The following SGCZ variants were observed in gnomAD, a reference collection of about 807,000 sequenced individuals.
SGCZ encodes the protein zeta-sarcoglycan.
Under a neutral mutation model 41.3 loss-of-function variants are expected in SGCZ, and 40 were observed. The ratio of observed to expected loss-of-function variants is 0.97; its 90% confidence interval spans 0.75 to 1.26. The LOEUF (loss-of-function observed/expected upper bound fraction) is 1.26. Ranked by LOEUF, SGCZ falls within the 50% of genes most tolerant of loss-of-function variation. SGCZ has a pLI of 0.00. For synonymous variants in SGCZ, 206 were observed against 137.5 expected, an observed-to-expected ratio of 1.50 and a Z score of -3.49; for missense variants, 552 against 369.8, an observed-to-expected ratio of 1.49 and a Z score of -4.04.
chr8:14,829,926 C>G (rs1802469245), intron 1 of SGCZ, among the ~76,000 whole-genome samples: 1 of 152,140 alleles, frequency 6.6e-6, no homozygotes, highest in Non-Finnish European at 1.5e-5. Context: ...ATTCTCCTGC[C>G]TCAGCCTCCT....
chr8:14,456,709 T>C (rs965090757), intron 2 of SGCZ, among the ~76,000 whole-genome samples: 1 of 152,110 alleles, frequency 6.6e-6, no homozygotes, highest in African/African-American at 2.4e-5. Context: ...ACATGGGATA[T>C]AGTTTGAATA....
chr8:15,032,012 G>A lies in SGCZ; in HGVS notation c.39+205573C>T, dbSNP rs985198547. Among the ~76,000 whole-genome samples the A allele has an allele frequency of 2.0e-5, 3 of 150,524 alleles. No homozygotes were observed. The South Asian group carries it at 6.3e-4, about 32-fold the overall frequency. Reference sequence around the variant, plus strand: ...TACACCAAATGTCGGACAGAAAAAAGTATGGTTTAGGAGTTTCACATACTC... The same window carrying A: ...TACACCAAATGTCGGACAGAAAAAAATATGGTTTAGGAGTTTCACATACTC... On this transcript the variant is annotated intron_variant, in intron 1 of 7. Coordinates refer to ENST00000382080, the MANE Select transcript of SGCZ (RefSeq NM_139167.4).
rs1563405109 is a variant in SGCZ at position 14,551,617 on chromosome 8, CATAAAATATATATATTATATAT to C, written c.234+3093_234+3114del. Among the ~76,000 whole-genome samples, 89 of 35,088 alleles carry C rather than the reference CATAAAATATATATATTATATAT, an allele frequency of 2.5e-3. 6 individuals carry two copies. The highest frequency in any genetic ancestry group is 5.9e-3 in the Non-Finnish European group (84 of 14,248). 23.0% of individuals were successfully genotyped at this position (35,088 alleles called of 152,430 possible). On this transcript the variant is annotated intron_variant, in intron 2 of 7. Coordinates refer to ENST00000382080, the MANE Select transcript of SGCZ (RefSeq NM_139167.4). ...ATATATTATATATATTATATATATA[CATAAAATATATATATTATATAT>C]ATATAAAATATATATATGAAAGTAT... is the stretch of plus-strand genomic sequence containing the variant.
At chr8:14,253,575 C>T (rs6530741) in intron 3 of SGCZ, among the ~76,000 whole-genome samples, 101,399 of 151,756 alleles carry the variant, frequency 0.67, 34,255 homozygotes, top group South Asian at 0.79. Flanking sequence ...TATCTGTATC[C>T]ATATATCTGT....
chr8:14,994,299 G>A (rs1334671047), intron 1 of SGCZ, among the ~76,000 whole-genome samples: 2 of 152,044 alleles, frequency 1.3e-5, no homozygotes, highest in Non-Finnish European at 2.9e-5. Flanking sequence ...AGATGCATGA[G>A]GGGGCTGGGC....
intron 1 of SGCZ, among the ~76,000 whole-genome samples, chr8:14,645,980 T>C (rs538417329): frequency 1.3e-5 from 2 of 151,254 alleles, no homozygotes; most frequent in Admixed American, 6.6e-5. Flanking sequence ...ACGAGAAAAA[T>C]TGGAAATTCA....
intron 3 of SGCZ, among the ~76,000 whole-genome samples, chr8:14,297,503 C>T (rs1585333090): frequency 6.6e-6 from 1 of 150,730 alleles, no homozygotes; most frequent in East Asian, 2.0e-4. Context: ...ATAAAAACTC[C>T]CGTAGAAAGT....
rs540248673 is a variant in SGCZ, at chr8:14,587,893, C to T, written c.40-32967G>A. 1.2e-4 allele frequency among the ~76,000 whole-genome samples: 18 copies of T among 152,138 alleles called. No homozygotes were observed. In the South Asian group the frequency reaches 3.3e-3, roughly 28 times the overall value. ...TTGTATTATAAACTGAGTTTTTGGGCAAGCTTGTAAGAGACTCAAAATTGC... is the reference window on the plus strand; with the variant it reads ...TTGTATTATAAACTGAGTTTTTGGGTAAGCTTGTAAGAGACTCAAAATTGC... On this transcript the variant is annotated intron_variant, in intron 1 of 7. Coordinates refer to ENST00000382080, the MANE Select transcript of SGCZ (RefSeq NM_139167.4).
intron 1 of SGCZ, among the ~76,000 whole-genome samples, chr8:15,151,006 G>A (rs561582225): frequency 6.6e-6 from 1 of 152,316 alleles, no homozygotes; most frequent in East Asian, 1.9e-4. Context: ...GGCACTAAGT[G>A]GTGGACCTAT....
At chr8:14,887,943 G>A (rs1483294561) in intron 1 of SGCZ, among the ~76,000 whole-genome samples, 1 of 152,122 alleles carries the variant, frequency 6.6e-6, no homozygotes, top group African/African-American at 2.4e-5. Flanking sequence ...ATAGGAAGAT[G>A]TTGCTCAAAG....
chr8:15,089,343 A>ATT (rs1458858047), intron 1 of SGCZ, among the ~76,000 whole-genome samples: 2 of 152,150 alleles, frequency 1.3e-5, no homozygotes, highest in African/African-American at 4.8e-5. Flanking sequence ...TAATTTCAAG[A>ATT]TTTCTCCTGT....
intron 1 of SGCZ, among the ~76,000 whole-genome samples, chr8:14,980,430 T>C (rs907453190): frequency 6.6e-6 from 1 of 152,218 alleles, no homozygotes; most frequent in South Asian, 2.1e-4. Context: ...TTGTCTTCAT[T>C]GATATAGAAA....
chr8:14,824,959 A>C (rs1802247444), intron 1 of SGCZ, among the ~76,000 whole-genome samples: 1 of 152,126 alleles, frequency 6.6e-6, no homozygotes, highest in African/African-American at 2.4e-5. Flanking sequence ...TCTGGTAGAC[A>C]TACTGTATTA....
intron 5 of SGCZ, among the ~76,000 whole-genome samples, chr8:14,151,033 G>A (rs116455835): frequency 6.6e-6 from 1 of 152,122 alleles, no homozygotes; most frequent in Non-Finnish European, 1.5e-5. Context: ...GAATGGTAGT[G>A]GGGATGCGTC....
intron 1 of SGCZ, among the ~76,000 whole-genome samples, chr8:14,595,438 C>G (rs1429821763): frequency 2.0e-5 from 3 of 148,044 alleles, no homozygotes; most frequent in African/African-American, 7.5e-5. Flanking sequence ...CACACACACA[C>G]ACACCATGTA....
intron 1 of SGCZ, among the ~76,000 whole-genome samples, chr8:15,208,844 C>G (rs1267079162): frequency 6.6e-6 from 1 of 151,412 alleles, no homozygotes; most frequent in Non-Finnish European, 1.5e-5. Flanking sequence ...GGAGTAGTAT[C>G]TTATATAATT....
At chr8:14,675,235 C>T (rs542385773) in intron 1 of SGCZ, among the ~76,000 whole-genome samples, 16 of 151,792 alleles carry the variant, frequency 1.1e-4, no homozygotes, top group South Asian at 2.1e-4. Flanking sequence ...CCACCGCACC[C>T]GGCCAAACCT....
At position 14,239,500 on chromosome 8, in the gene SGCZ, A is replaced by C. The variant is rs12545818; in HGVS notation, c.337-1821T>G. Among the ~76,000 whole-genome samples, 1,274 of 152,310 alleles carry C rather than the reference A, an allele frequency of 8.4e-3. 6 individuals are homozygous for C. The highest frequency in any genetic ancestry group is 0.013 in the Non-Finnish European group (891 of 68,026). On this transcript the variant is annotated intron_variant, in intron 3 of 7. Transcript: ENST00000382080. Reference sequence around the variant, plus strand: ...CATGAGTTTGGTTTAGAGTTTTAAAATATATGACACTATATGTTTTTATTT... The same window carrying C: ...CATGAGTTTGGTTTAGAGTTTTAAACTATATGACACTATATGTTTTTATTT...
chr8:14,739,047 G>A (rs553194633), intron 1 of SGCZ, among the ~76,000 whole-genome samples: 41 of 152,110 alleles, frequency 2.7e-4, no homozygotes, highest in African/African-American at 9.6e-4. Flanking sequence ...AGTATAGAAT[G>A]TACCCATATT....
Sources: allele counts gnomAD v4.1 joint callset (sites outside exome capture counted in the v4.1 genomes callset), GRCh38; gene constraint gnomAD v4.1.1; transcripts MANE v1.5; gene names NCBI Gene and HGNC (gene_info 2026-07-23, HGNC 2026-07-21).